PCDHA1: variants seen among roughly 807,000 people sequenced by gnomAD.
PCDHA1 encodes protocadherin alpha 1, also known as protocadherin alpha-1.
A neutral mutation model predicts 61.3 loss-of-function variants in PCDHA1; 42 were observed. The ratio of observed to expected loss-of-function variants is 0.69; its 90% confidence interval spans 0.54 to 0.89. PCDHA1 has a LOEUF of 0.89. Ranked by LOEUF, PCDHA1 falls within the 40% of genes least tolerant of loss-of-function variation. The pLI is 0.00. For missense variants in PCDHA1, 1,256 were observed against 1,235.3 expected (o/e 1.02, Z -0.25); for synonymous variants, 610 against 553.8 (o/e 1.10, Z -1.43).
chr5:140,837,614 C>A (rs188278547), intron 1 of PCDHA1, among the ~76,000 whole-genome samples: 1 of 147,776 alleles, frequency 6.8e-6, no homozygotes, highest in East Asian at 2.0e-4. Flanking sequence ...TTATAATTTG[C>A]CCCTTCCTTC....
chr5:140,841,621 G>C (rs781902727), intron 1 of PCDHA1: 2 of 1,614,032 alleles, frequency 1.2e-6, no homozygotes, highest in African/African-American at 1.3e-5. Context: ...GGCGGAGCGC[G>C]GAGTGCAGCA....
intron 1 of PCDHA1, among the ~76,000 whole-genome samples, chr5:140,838,813 T>C (rs1372139803): frequency 6.6e-6 from 1 of 151,884 alleles, no homozygotes; most frequent in Non-Finnish European, 1.5e-5. Context: ...TTTCAGCTAC[T>C]CAAGAAACTG....
intron 1 of PCDHA1, chr5:140,830,414 A>G: frequency 6.2e-7 from 1 of 1,614,162 alleles, no homozygotes; most frequent in Non-Finnish European, 8.5e-7. Flanking sequence ...CTTTAGCCCC[A>G]GCCTTTCACC....
chr5:140,824,408 C>G (rs2150134357), intron 1 of PCDHA1: 1 of 535,032 alleles, frequency 1.9e-6, no homozygotes, highest in Non-Finnish European at 3.3e-6. Context: ...AATTGTAAGA[C>G]ATAGTTTGGA....
At chr5:140,856,942 G>A (rs781940181) in intron 1 of PCDHA1, 5 of 1,593,170 alleles carry the variant, frequency 3.1e-6, no homozygotes, top group Admixed American at 3.4e-5. Context: ...ACGAAAGGAC[G>A]GGAGAAATAA....
At chr5:140,816,634 C>A (rs1274494643) in intron 1 of PCDHA1, 7 of 152,054 alleles carry the variant, frequency 4.6e-5, no homozygotes, top group African/African-American at 1.7e-4. Context: ...AACAACAACA[C>A]ACCAGCTACC....
chr5:140,831,363 T>A (rs1771496474), intron 1 of PCDHA1: 1 of 31,544 alleles, frequency 3.2e-5, no homozygotes, highest in Non-Finnish European at 6.7e-5. Context: ...CTATTTTGTA[T>A]GTGTGTGTGT....
At chr5:140,883,341 C>G in intron 1 of PCDHA1, 1 of 1,614,144 alleles carries the variant, frequency 6.2e-7, no homozygotes, top group Non-Finnish European at 8.5e-7. Context: ...TTGTCACTCC[C>G]CATCAGAGAA....
rs955217729 is a variant in PCDHA1 at position 140,843,931 on chromosome 5, A to T, written c.2394+55247A>T. The T allele has an allele frequency of 6.9e-6, 4 of 582,802 alleles. 1 individual carries two copies. Among genetic ancestry groups the T allele is most frequent in the Non-Finnish European group, 1.2e-5 (4 of 332,650 alleles). The allele number at this position is 582,802 out of a possible 1,614,324, so 36.1% of individuals were successfully genotyped here. Reference sequence around the variant, plus strand: ...TTGGGTCTATCTTGAAACTCAAGTTATGGTTGGATGATATCCATTTTTTAC... The same window carrying T: ...TTGGGTCTATCTTGAAACTCAAGTTTTGGTTGGATGATATCCATTTTTTAC... On this transcript the variant is annotated intron_variant, in intron 1 of 3. Coordinates refer to ENST00000504120, the MANE Select transcript of PCDHA1 (RefSeq NM_018900.4).
At chr5:140,877,193 G>A (rs1554169443) in intron 1 of PCDHA1, 1 of 1,613,832 alleles carries the variant, frequency 6.2e-7, no homozygotes, top group Non-Finnish European at 8.5e-7. Context: ...GGCAGCGCAG[G>A]AGGCGCAGTT....
chr5:141,000,223 G>C (rs1190945878), intron 3 of PCDHA1, among the ~76,000 whole-genome samples: 1 of 151,642 alleles, frequency 6.6e-6, no homozygotes, highest in African/African-American at 2.4e-5. Context: ...AAATGCCTGT[G>C]TGGAGCTGAA....
At position 140,857,834 on chromosome 5, in the gene PCDHA1, G is replaced by A; in HGVS notation, c.2394+69150G>A. 1.9e-6 allele frequency: 3 copies of A among 1,597,844 alleles called. 1 individual carries two copies. The highest frequency in any genetic ancestry group is 1.7e-6 in the Non-Finnish European group (2 of 1,167,630). The stretch of plus-strand genomic sequence containing the variant: ...TCACGTGGTGGCTAAGGTGCGCGCA[G>A]TGGACGCTGACTCTGGATACAACGC... On this transcript the variant is annotated intron_variant, in intron 1 of 3. Transcript: ENST00000504120.
chr5:140,856,074 G>A, intron 1 of PCDHA1: 1 of 1,592,254 alleles, frequency 6.3e-7, no homozygotes, highest in Non-Finnish European at 8.6e-7. Context: ...AGCTGCCTGG[G>A]GGTCCAGTGT....
chr5:140,925,641 TATAATAATAATAATA>T (rs10569930), intron 1 of PCDHA1, among the ~76,000 whole-genome samples: 7 of 143,358 alleles, frequency 4.9e-5, no homozygotes, highest in African/African-American at 1.0e-4. Flanking sequence ...GAACTTAAAG[TATAATAATAATAATA>T]ATAATAATAA....
chr5:140,823,380 C>G (rs2150125210), intron 1 of PCDHA1: 20 of 1,612,570 alleles, frequency 1.2e-5, no homozygotes, highest in Non-Finnish European at 1.6e-5. Flanking sequence ...TCCAGGTGAG[C>G]GCGCGCGACG....
chr5:140,883,290 T>C, intron 1 of PCDHA1: 1 of 1,614,060 alleles, frequency 6.2e-7, no homozygotes, highest in South Asian at 1.1e-5. Context: ...GTGGAAGTAC[T>C]AGATGTAAAT....
At chr5:140,996,302 CAA>C (rs2097720989) in intron 3 of PCDHA1, among the ~76,000 whole-genome samples, 1 of 152,274 alleles carries the variant, frequency 6.6e-6, no homozygotes, top group Non-Finnish European at 1.5e-5. Flanking sequence ...CAGATTGTAA[CAA>C]AGTAAGGGGG....
At chr5:140,897,381 T>C (rs1258843270) in intron 1 of PCDHA1, among the ~76,000 whole-genome samples, 1 of 136,686 alleles carries the variant, frequency 7.3e-6, no homozygotes, top group Non-Finnish European at 1.5e-5. Flanking sequence ...CCCTTCCCCT[T>C]CCTGTGTCCA....
chr5:140,802,996 A>T, intron 1 of PCDHA1: 2 of 1,613,960 alleles, frequency 1.2e-6, no homozygotes, highest in Non-Finnish European at 1.7e-6. Flanking sequence ...GTGGATGCAG[A>T]CTCAGGCTAC....
Sources: allele counts gnomAD v4.1 joint callset (sites outside exome capture counted in the v4.1 genomes callset), GRCh38; gene constraint gnomAD v4.1.1; transcripts MANE v1.5; gene names NCBI Gene and HGNC (gene_info 2026-07-23, HGNC 2026-07-21).